FMN1: variants seen among roughly 807,000 people sequenced by gnomAD.
FMN1 encodes formin 1.
FMN1 carries 110 observed loss-of-function variants against 132.4 expected under a neutral mutation model. That is an observed-to-expected ratio of 0.83 (90% CI 0.71 to 0.97). The LOEUF is 0.97. FMN1 is among the 50% of genes least tolerant of loss of function. The pLI is 0.00. For missense variants in FMN1, 1,792 were observed against 1,705.3 expected, an observed-to-expected ratio of 1.05 and a Z score of -0.90; for synonymous variants, 722 against 651.7, an observed-to-expected ratio of 1.11 and a Z score of -1.64.
intron 5 of FMN1, chr15:33,068,088 C>A: frequency 7.4e-7 from 1 of 1,348,704 alleles, no homozygotes; most frequent in Non-Finnish European, 9.6e-7. Context: ...TGTTCCAGGG[C>A]AACTGTGAAA....
At chr15:33,041,295 G>A (rs2036422557) in intron 6 of FMN1, among the ~76,000 whole-genome samples, 1 of 150,780 alleles carries the variant, frequency 6.6e-6, no homozygotes, top group Admixed American at 6.6e-5. Context: ...CACCTAACTG[G>A]AAAATATCAG....
Position 33,154,513 on chromosome 15 carries a change from C to G in FMN1, c.402G>C (p.Gln134His), listed in dbSNP as rs1245779153. Residue 134 changes from glutamine (Q) to histidine (H), a missense_variant, in exon 4 of 21, where the codon CAG becomes CAC. By Grantham distance (24) the Gln-to-His change is conservative. Transcript: ENST00000616417. ...VSLAPEDDCFQSAGDWQGELP... is the reference protein window; with the variant it reads ...VSLAPEDDCFHSAGDWQGELP... ...GCTCTCCCTGCCAGTCACCAGCACT[C>G]TGGAAACAGTCATCCTCGGGGGCCA... The G allele has an allele frequency of 2.6e-6, 4 of 1,536,118 alleles. No individual in the cohort carries two copies. The South Asian group carries it at 4.8e-5, about 18-fold the overall frequency.
intron 19 of FMN1, among the ~76,000 whole-genome samples, chr15:32,797,732 T>C (rs1403707246): frequency 6.6e-6 from 1 of 152,158 alleles, no homozygotes; most frequent in Admixed American, 6.5e-5. Context: ...CTTTCTCTTT[T>C]TTTAGCTCCC....
intron 7 of FMN1, among the ~76,000 whole-genome samples, chr15:32,988,283 C>T (rs867762252): frequency 6.6e-6 from 1 of 151,928 alleles, no homozygotes; most frequent in Non-Finnish European, 1.5e-5. Flanking sequence ...AGAGATAAAG[C>T]GTTGGGGAAG....
chr15:33,154,178 G>C lies in FMN1; in HGVS notation c.737C>G (p.Thr246Arg). ...CPPDIPKTPD[T>R]DLGFGSFETA... ...CTCAAAGCTCCCAAAGCCAAGGTCT[G>C]TGTCTGGCGTCTTGGGAATATCTGG... Residue 246 changes from threonine to arginine, a missense_variant, in exon 4 of 21, where the codon ACA (threonine) becomes AGA (arginine). Physicochemically the swap from Thr to Arg is moderately conservative, Grantham distance 71. This residue lies in a region of FMN1 where 638 missense variants were observed against 645.2 expected (regional missense o/e 0.99). Coordinates refer to ENST00000616417, the MANE Select transcript of FMN1 (RefSeq NM_001277313.2). The C allele has an allele frequency of 2.0e-6, 3 of 1,536,456 alleles. No homozygotes were observed. The highest frequency in any genetic ancestry group is 2.7e-5 in the African/African-American group (2 of 73,154).
At chr15:32,843,873 G>A (rs918559694) in intron 17 of FMN1, among the ~76,000 whole-genome samples, 3 of 152,156 alleles carry the variant, frequency 2.0e-5, no homozygotes, top group Non-Finnish European at 2.9e-5. Flanking sequence ...AAAAGCACAT[G>A]AACTAACTAA....
At position 32,926,270 on chromosome 15, in the gene FMN1, A is replaced by AG; in HGVS notation, c.3139-10dup. ...TCCAACAATTTGATGATCTAAAATT[A>AG]GAAAAAAAAAAAAAAGAATACAAGC... On this transcript the variant is annotated splice_polypyrimidine_tract_variant and intron_variant, in intron 9 of 20. Coordinates refer to ENST00000616417, the MANE Select transcript of FMN1 (RefSeq NM_001277313.2). The AG allele has an allele frequency of 3.6e-6, 5 of 1,376,176 alleles. No homozygotes were observed. Among genetic ancestry groups the AG allele is most frequent in the Admixed American group, 4.9e-5 (2 of 40,664 alleles). 85.2% of individuals were successfully genotyped at this position (1,376,176 alleles called of 1,614,324 possible).
intron 7 of FMN1, among the ~76,000 whole-genome samples, chr15:32,982,274 T>C (rs2032738590): frequency 2.0e-5 from 3 of 152,104 alleles, no homozygotes; most frequent in Non-Finnish European, 4.4e-5. Flanking sequence ...TACCAAATGC[T>C]AGTGAGAATG....
chr15:32,775,148 T>G (rs2056375929), intron 20 of FMN1, among the ~76,000 whole-genome samples: 1 of 152,228 alleles, frequency 6.6e-6, no homozygotes, highest in Admixed American at 6.5e-5. Context: ...GATCCTTAGC[T>G]GCTTATGAGC....
intron 4 of FMN1, among the ~76,000 whole-genome samples, chr15:33,111,590 TATGA>T (rs200957549): frequency 0.013 from 1,969 of 152,324 alleles, 25 homozygotes; most frequent in Non-Finnish European, 0.021. Context: ...TTTGTCTACT[TATGA>T]ATGGATAAAC....
At position 33,039,431 on chromosome 15, in the gene FMN1, T is replaced by C. The variant is rs183662087; in HGVS notation, c.2161+25526A>G. 1.1e-4 allele frequency among the ~76,000 whole-genome samples: 16 copies of C among 152,332 alleles called. No homozygotes were observed. The East Asian group carries it at 3.1e-3, about 29-fold the overall frequency. On this transcript the variant is annotated intron_variant, in intron 6 of 20. Transcript: ENST00000616417. ...TGTAGCAAATATGATAATTACTTGT[T>C]AAAAACATAATAGGTTATTGAGGAA...
intron 17 of FMN1, among the ~76,000 whole-genome samples, chr15:32,807,741 A>G (rs991388964): frequency 1.3e-5 from 2 of 152,252 alleles, no homozygotes; most frequent in Non-Finnish European, 2.9e-5. Context: ...AAATGTAAAA[A>G]GAGGTATTAT....
chr15:32,855,186 AAAAG>A (rs2059102551), intron 17 of FMN1, among the ~76,000 whole-genome samples: 1 of 151,432 alleles, frequency 6.6e-6, no homozygotes, highest in Non-Finnish European at 1.5e-5. Flanking sequence ...AAAAAAAGAA[AAAAG>A]AAAGAAAATC....
intron 4 of FMN1, among the ~76,000 whole-genome samples, chr15:33,146,497 T>G (rs1432902548): frequency 6.7e-6 from 1 of 150,082 alleles, no homozygotes; most frequent in African/African-American, 2.5e-5. Flanking sequence ...GATTTCAAGT[T>G]CTTTCCTATA....
chr15:33,126,703 TAA>T (rs953024828), intron 4 of FMN1, among the ~76,000 whole-genome samples: 2 of 151,988 alleles, frequency 1.3e-5, no homozygotes, highest in African/African-American at 4.8e-5. Context: ...GCGAAGGCAA[TAA>T]AAGAGCAATC....
chr15:33,042,307 T>C (rs1355807162), intron 6 of FMN1, among the ~76,000 whole-genome samples: 5 of 152,182 alleles, frequency 3.3e-5, no homozygotes, highest in Non-Finnish European at 7.4e-5. Flanking sequence ...CATTATAAGG[T>C]TTCCTTATAT....
chr15:32,826,470 T>C (rs16959212), intron 17 of FMN1, among the ~76,000 whole-genome samples: 6,620 of 152,268 alleles, frequency 0.043, 217 homozygotes, highest in Non-Finnish European at 0.068. Flanking sequence ...AAAGGGCTAA[T>C]GTCATCAGAT....
chr15:32,956,480 T>C (rs997371495), intron 9 of FMN1, among the ~76,000 whole-genome samples: 4 of 152,160 alleles, frequency 2.6e-5, no homozygotes, highest in Non-Finnish European at 5.9e-5. Context: ...ATGGAGCTCC[T>C]GTTTCCTTTC....
At chr15:33,099,968 T>A (rs189752425) in intron 4 of FMN1, among the ~76,000 whole-genome samples, 6 of 152,242 alleles carry the variant, frequency 3.9e-5, no homozygotes, top group Admixed American at 6.5e-5. Flanking sequence ...TAATAAATCA[T>A]TTGCATAACT....
Sources: gnomAD v4.1 joint callset for allele counts (sites outside exome capture counted in the v4.1 genomes callset) on GRCh38, gnomAD v4.1.1 for gene constraint, gnomAD v4.1.1 regional missense constraint, MANE v1.5 for transcripts, NCBI Gene and HGNC (gene_info 2026-07-23, HGNC 2026-07-21) for gene names.